The following PPFIA3 variants were observed in gnomAD, a reference collection of about 807,000 sequenced individuals.
PPFIA3 encodes PPFI scaffold protein A3, also known as liprin-alpha-3.
A neutral mutation model predicts 145.8 loss-of-function variants in PPFIA3; 26 were observed. The ratio of observed to expected loss-of-function variants is 0.18; its 90% confidence interval spans 0.13 to 0.25. The LOEUF (loss-of-function observed/expected upper bound fraction) is 0.25. PPFIA3 is among the 10% of genes least tolerant of loss of function. The pLI, the probability that PPFIA3 is intolerant of heterozygous loss-of-function variation, is 1.00. For synonymous variants in PPFIA3, 645 were observed against 661.4 expected (o/e 0.98, Z 0.38); for missense variants, 1,008 against 1,587.8 (o/e 0.63, Z 6.21).
intron 21 of PPFIA3, 38 bp from the exon 22 acceptor site, chr19:49,145,905 C>A: frequency 6.3e-7 from 1 of 1,591,782 alleles, no homozygotes. Flanking sequence ...CCACGCGAAG[C>A]CCTCTCCCAC....
In PPFIA3 at chr19:49,149,769, C is replaced by G. The variant is rs946025432; in HGVS notation, c.3526+51C>G. 1 of 1,555,118 alleles carries G rather than the reference C, an allele frequency of 6.4e-7. No homozygotes were observed. The highest frequency in any genetic ancestry group is 1.4e-5 in the African/African-American group (1 of 73,446). ...CCTTCCTCGCTTCCCTAGGGTGGGG[C>G]ATGGACCACCTCAGTAGTCCGGGTT... On this transcript the variant is annotated intron_variant, in intron 28 of 29. Transcript: ENST00000334186. The surrounding 1 kb of genome is among the most constrained non-coding windows in gnomAD (Gnocchi z 5.7).
intron 16 of PPFIA3, 57 bp downstream of exon 16, chr19:49,138,484 G>GT: frequency 1.1e-5 from 15 of 1,389,978 alleles, no homozygotes; most frequent in Non-Finnish European, 1.4e-5. Flanking sequence ...GTCAGAGGCA[G>GT]GGCTCCCCAG....
Position 49,149,945 on chromosome 19 carries a change from CG to C in PPFIA3, c.3527-131del. 2 of 1,196,512 alleles carry C rather than the reference CG, an allele frequency of 1.7e-6. No homozygotes were observed. Among genetic ancestry groups the C allele is most frequent in the Non-Finnish European group, 2.3e-6 (2 of 855,328 alleles). The allele number at this position is 1,196,512 out of a possible 1,614,324, so 74.1% of individuals were successfully genotyped here. ...CAATGCGAGTTTGAGTCCTTGGCTGCGGGGAAGGGAGGGAAACCCATGTGGA... is the reference window on the plus strand; with the variant it reads ...CAATGCGAGTTTGAGTCCTTGGCTGCGGGAAGGGAGGGAAACCCATGTGGA... On this transcript the variant is annotated intron_variant, in intron 28 of 29. Coordinates refer to ENST00000334186, the MANE Select transcript of PPFIA3 (RefSeq NM_003660.4). This position sits in a 1 kb window ranked among gnomAD's most constrained non-coding sequence, Gnocchi z 5.7.
rs988933507 is a variant in PPFIA3 at position 49,120,171 on chromosome 19, T to C, written c.-16+449T>C. Among the ~76,000 whole-genome samples the C allele has an allele frequency of 6.6e-6, 1 of 151,892 alleles. No homozygotes were observed. Among genetic ancestry groups the C allele is most frequent in the African/African-American group, 2.4e-5 (1 of 41,388 alleles). On this transcript the variant is annotated intron_variant, in intron 1 of 29. Transcript: ENST00000334186. This position sits in a 1 kb window ranked among gnomAD's most constrained non-coding sequence, Gnocchi z 4.6. ...GTCCAGGCAGGCTCGGCGGCCGCCC[T>C]GGACACAGGCCCGCTCTGGAGCTGT... is the stretch of plus-strand genomic sequence containing the variant.
intron 15 of PPFIA3, 108 bp downstream of exon 15, chr19:49,137,019 C>T (rs957408038): frequency 2.7e-6 from 3 of 1,093,950 alleles, no homozygotes; most frequent in Non-Finnish European, 3.7e-6. Flanking sequence ...TTACACCATC[C>T]ACAAGGAATT....
rs753575455 is a variant in PPFIA3, at chr19:49,133,994, A to C, written c.1246-40A>C. The C allele has an allele frequency of 1.2e-6, 2 of 1,605,768 alleles. No homozygotes were observed. The highest frequency in any genetic ancestry group is 2.2e-5 in the South Asian group (2 of 89,940). ...TTAGAGGAAGGGCCGTGGTCTGGGCAGGGTGGGCTTAACAACCCGCCCCGC... is the reference window on the plus strand; with the variant it reads ...TTAGAGGAAGGGCCGTGGTCTGGGCCGGGTGGGCTTAACAACCCGCCCCGC... On this transcript the variant is annotated intron_variant, in intron 10 of 29. Coordinates refer to ENST00000334186, the MANE Select transcript of PPFIA3 (RefSeq NM_003660.4). This position sits in a 1 kb window ranked among gnomAD's most constrained non-coding sequence, Gnocchi z 7.2.
In PPFIA3 at chr19:49,149,949, G is replaced by A. The variant is rs2041326193; in HGVS notation, c.3527-131G>A. ...GCGAGTTTGAGTCCTTGGCTGCGGGGAAGGGAGGGAAACCCATGTGGAGCC... is the reference window on the plus strand; with the variant it reads ...GCGAGTTTGAGTCCTTGGCTGCGGGAAAGGGAGGGAAACCCATGTGGAGCC... On this transcript the variant is annotated intron_variant, in intron 28 of 29. Coordinates refer to ENST00000334186, the MANE Select transcript of PPFIA3 (RefSeq NM_003660.4). The surrounding 1 kb of genome is among the most constrained non-coding windows in gnomAD (Gnocchi z 5.7). 2.5e-6 allele frequency: 3 copies of A among 1,213,048 alleles called. No individual in the cohort carries two copies. The highest frequency in any genetic ancestry group is 3.0e-5 in the African/African-American group (2 of 66,336). The allele number at this position is 1,213,048 out of a possible 1,614,324, so 75.1% of individuals were successfully genotyped here. A position where few individuals can be genotyped will look rare whatever the true frequency, so the allele number is the denominator to read the frequency against.
At chr19:49,148,406 T>C in intron 24 of PPFIA3, 148 bp downstream of exon 24, 4 of 974,920 alleles carry the variant, frequency 4.1e-6, no homozygotes, top group Non-Finnish European at 5.9e-6. Flanking sequence ...CTGTGCTCCT[T>C]TCACCAATGA....
At chr19:49,141,361 A>G (rs2041219193) in intron 18 of PPFIA3, 59 bp from the exon 19 acceptor site, 2 of 1,343,954 alleles carry the variant, frequency 1.5e-6, no homozygotes, top group Non-Finnish European at 1.1e-6. Context: ...CACCTCCAGC[A>G]TGAAAGATTC....
At chr19:49,143,498 G>A (rs1011692434) in intron 21 of PPFIA3, among the ~76,000 whole-genome samples, 1 of 151,970 alleles carries the variant, frequency 6.6e-6, no homozygotes, top group Non-Finnish European at 1.5e-5. Context: ...TCAGCCTCCT[G>A]AGTAGCTGGG....
chr19:49,148,041 G>A (rs201939291), intron 23 of PPFIA3, 42 bp from the exon 24 acceptor site: 1 of 1,579,484 alleles, frequency 6.3e-7, no homozygotes, highest in African/African-American at 1.3e-5. Flanking sequence ...GTGGGAAGGG[G>A]CCAGAGGGCC....
intron 4 of PPFIA3, 100 bp downstream of exon 4, chr19:49,129,112 T>A: frequency 3.8e-6 from 5 of 1,307,850 alleles, no homozygotes; most frequent in Non-Finnish European, 5.2e-6. Context: ...TTGGGGATGT[T>A]CTGAGTTGGA....
intron 18 of PPFIA3, among the ~76,000 whole-genome samples, 181 bp from the exon 19 acceptor site, chr19:49,141,239 G>C (rs899368194): frequency 6.6e-6 from 1 of 152,180 alleles, no homozygotes; most frequent in Non-Finnish European, 1.5e-5. Flanking sequence ...GCATCCAGCC[G>C]TATTTTGGGG....
At position 49,131,432 on chromosome 19, in the gene PPFIA3, G is replaced by A. The variant is rs540948750; in HGVS notation, c.879+833G>A. ...ACTCCTGACCTCAAGTGATCAGCTC[G>A]CCTCGGCCCAAAGTGCTGGGATTAC... is the stretch of plus-strand genomic sequence containing the variant. On this transcript the variant is annotated intron_variant, in intron 7 of 29. Coordinates refer to ENST00000334186, the MANE Select transcript of PPFIA3 (RefSeq NM_003660.4). 1.0e-4 allele frequency among the ~76,000 whole-genome samples: 15 copies of A among 148,412 alleles called. No homozygotes were observed. The South Asian group carries it at 2.8e-3, about 27-fold the overall frequency.
At position 49,146,012 on chromosome 19, in the gene PPFIA3, GC is replaced by G. The variant is rs754796801; in HGVS notation, c.2808+12del. The G allele has an allele frequency of 1.1e-5, 18 of 1,613,438 alleles. No homozygotes were observed. The highest frequency in any genetic ancestry group is 3.3e-4 in the Middle Eastern group (2 of 6,060). Reference sequence around the variant, plus strand: ...TACGGCCACGACCAAGCCCGTGAGTGCCCCCTGCCGGCCGCCTTGGGGGTGG... The same window carrying G: ...TACGGCCACGACCAAGCCCGTGAGTGCCCCTGCCGGCCGCCTTGGGGGTGG... On this transcript the variant is annotated splice_region_variant and intron_variant, in intron 22 of 29. Coordinates refer to ENST00000334186, the MANE Select transcript of PPFIA3 (RefSeq NM_003660.4).
In PPFIA3 at chr19:49,140,039, G is replaced by A. The variant is rs1440499662; in HGVS notation, c.2319G>A (p.Lys773=). 2 of 1,614,100 alleles carry A rather than the reference G, an allele frequency of 1.2e-6. No homozygotes were observed. The highest frequency in any genetic ancestry group is 1.7e-5 in the Admixed American group (1 of 59,994). The part of the protein sequence containing the change: ...IKSSIGRLFG[K]KEKGRMGPPG... ...CATCCATAGGCCGTCTCTTTGGCAA[G>A]AAAGAGAAGGGACGAATGGGACCCC... The change falls in exon 18 of 30, where the codon AAG becomes AAA. Residue 773 remains lysine (K), a synonymous_variant. Transcript: ENST00000334186.
Position 49,136,823 on chromosome 19 carries a change from G to C in PPFIA3, c.1765G>C (p.Glu589Gln). ...EEEAEGMFGA[E>Q]LLSPSGQADV... is the part of the protein sequence containing the mutation. Reference sequence around the variant, plus strand: ...GGAGGCAGAGGGGATGTTTGGGGCCGAGCTGCTGTCCCCCAGTGGGCAGGC... The same window carrying C: ...GGAGGCAGAGGGGATGTTTGGGGCCCAGCTGCTGTCCCCCAGTGGGCAGGC... The change falls in exon 15 of 30, where the codon GAG becomes CAG. Residue 589 changes from glutamate (E) to glutamine (Q), a missense_variant. Transcript: ENST00000334186. The C allele has an allele frequency of 3.1e-6, 5 of 1,591,142 alleles. No individual in the cohort carries two copies. The highest frequency in any genetic ancestry group is 4.3e-6 in the Non-Finnish European group (5 of 1,168,950).
chr19:49,147,023 A>G (rs1245088635), intron 23 of PPFIA3, among the ~76,000 whole-genome samples: 4 of 152,206 alleles, frequency 2.6e-5, no homozygotes. Flanking sequence ...CATAGATCAC[A>G]TATTTCCAGC....
chr19:49,132,049 C>T (rs2041079863), intron 7 of PPFIA3, among the ~76,000 whole-genome samples: 1 of 148,358 alleles, frequency 6.7e-6, no homozygotes, highest in Non-Finnish European at 1.5e-5. Flanking sequence ...ATAAGAATCA[C>T]TTGAGCTTGG....
Sources: gnomAD v4.1 joint callset for allele counts (sites outside exome capture counted in the v4.1 genomes callset) on GRCh38, gnomAD v4.1.1 for gene constraint, Gnocchi (gnomAD v3.1) non-coding constraint, MANE v1.5 for transcripts, NCBI Gene and HGNC (gene_info 2026-07-23, HGNC 2026-07-21) for gene names.